Variants in STK40 observed in about 807,000 individuals in gnomAD.
STK40 encodes serine/threonine kinase 40.
A neutral mutation model predicts 47.9 loss-of-function variants in STK40; 13 were observed. That is an observed-to-expected ratio of 0.27 (90% CI 0.18 to 0.43). The LOEUF (loss-of-function observed/expected upper bound fraction) is 0.43, where lower values mean the gene tolerates loss of function less well. STK40 is among the 20% of genes least tolerant of loss of function. The probability of loss-of-function intolerance (pLI) is 1.00; values close to 1 mark genes in which losing one functional copy is unlikely to be tolerated. For synonymous variants in STK40, 225 were observed against 243.2 expected (o/e 0.93, Z 0.69); for missense variants, 460 against 595.1 (o/e 0.77, Z 2.36).
At chr1:36,371,503 G>A (rs1397792019) in intron 1 of STK40, among the ~76,000 whole-genome samples, 3 of 151,536 alleles carry the variant, frequency 2.0e-5, no homozygotes, top group African/African-American at 4.8e-5. Flanking sequence ...GCAGTGGGCC[G>A]AGATCAGATT....
At chr1:36,360,944 C>T (rs1014911615) in intron 2 of STK40, among the ~76,000 whole-genome samples, 2 of 152,162 alleles carry the variant, frequency 1.3e-5, no homozygotes, top group African/African-American at 2.4e-5. Context: ...GGGGGAGAGT[C>T]GGAGCCTAGC....
Position 36,340,043 on chromosome 1 carries a change from CAGG to C in STK40, c.*1709_*1711del, listed in dbSNP as rs1646631111. On this transcript the variant is annotated 3_prime_UTR_variant, in exon 11 of 11. Transcript: ENST00000373132. ...AGGCCGGACTGCATTTCCGCTCCCG[CAGG>C]AGACTTTCTATGAAATAAATATAGA... 1 of 152,424 alleles carries C rather than the reference CAGG, an allele frequency of 6.6e-6. No individual in the cohort carries two copies. The highest frequency in any genetic ancestry group is 6.5e-5 in the Admixed American group (1 of 15,292). 9.4% of individuals were successfully genotyped at this position (152,424 alleles called of 1,614,324 possible).
Position 36,358,311 on chromosome 1 carries a change from C to A in STK40, c.270G>T (p.Leu90=), listed in dbSNP as rs1646822654. The change falls in exon 4 of 11, where the codon CTG becomes CTT. Residue 90 remains leucine (L), a synonymous_variant. Coordinates refer to ENST00000373132, the MANE Select transcript of STK40 (RefSeq NM_001282547.2). The part of the protein sequence containing the change: ...SQEERQGKML[L]HTEYSLLSLL... ...GAGACAGCAGTGAGTACTCGGTGTG[C>A]AGCAGCATCTTGCCCTGCCGCTCTT... is the stretch of plus-strand genomic sequence containing the variant. The A allele has an allele frequency of 6.2e-7, 1 of 1,610,416 alleles. No homozygotes were observed.
In STK40 at chr1:36,343,080, G is replaced by A. The variant is rs578197362; in HGVS notation, c.1089+284C>T. ...CAGAGAAATGTGACTTGGGCAGCAG[G>A]AGGAAGCTGAGAGGGCTGGCCTGGG... On this transcript the variant is annotated intron_variant, in intron 10 of 10. Transcript: ENST00000373132. The A allele has an allele frequency of 8.5e-4, 520 of 608,740 alleles. 3 individuals are homozygous for A. The highest frequency in any genetic ancestry group is 8.3e-4 in the Non-Finnish European group (281 of 339,834). The allele number at this position is 608,740 out of a possible 1,614,324, so 37.7% of individuals were successfully genotyped here.
At chr1:36,381,364 C>T (rs1441772722) in intron 1 of STK40, among the ~76,000 whole-genome samples, 1 of 152,210 alleles carries the variant, frequency 6.6e-6, no homozygotes, top group Non-Finnish European at 1.5e-5. Flanking sequence ...GGCTAGAACT[C>T]CTGTGGTTCC....
intron 1 of STK40, among the ~76,000 whole-genome samples, chr1:36,376,227 C>A (rs1646991303): frequency 6.6e-6 from 1 of 152,128 alleles, no homozygotes; most frequent in African/African-American, 2.4e-5. Context: ...CACGGCAGAT[C>A]ACGAGGGCCA....
Position 36,340,819 on chromosome 1 carries a change from G to A in STK40, c.*936C>T, listed in dbSNP as rs1349286307. 6.6e-6 allele frequency: 1 copy of A among 152,342 alleles called. No individual in the cohort carries two copies. Among genetic ancestry groups the A allele is most frequent in the East Asian group, 1.9e-4 (1 of 5,186 alleles). The allele number at this position is 152,342 out of a possible 1,614,324, so 9.4% of individuals were successfully genotyped here. On this transcript the variant is annotated 3_prime_UTR_variant, in exon 11 of 11. Transcript: ENST00000373132. ...CTAAACACAAGAGTAGGCTAGGGGA[G>A]CGTGCAGGCAGCCCCCGCTCACGGC...
Position 36,355,246 on chromosome 1 carries a change from A to G in STK40, c.530T>C (p.Ile177Thr). The change falls in exon 5 of 11, where the codon ATC (isoleucine) becomes ACC (threonine). Residue 177 changes from isoleucine (I) to threonine (T), a missense_variant. By Grantham distance (89) the Ile-to-Thr change is moderately conservative (BLOSUM62 -1). Transcript: ENST00000373132. ...CACCACGCGGACCACGTCGTAGAAG[A>G]TTACCACAGTCTCCCTCTCGCTGAG... ...KRLSERETVV[I>T]FYDVVRVVEA... 5.0e-6 allele frequency: 8 copies of G among 1,614,056 alleles called. No individual in the cohort carries two copies. Among genetic ancestry groups the G allele is most frequent in the Non-Finnish European group, 6.8e-6 (8 of 1,180,014 alleles).
intron 2 of STK40, among the ~76,000 whole-genome samples, chr1:36,359,511 C>T (rs1359688182): frequency 2.0e-5 from 3 of 152,236 alleles, no homozygotes; most frequent in Admixed American, 6.5e-5. Flanking sequence ...GATTCTGATA[C>T]AGCCATCTGG....
At chr1:36,346,750 A>G (rs1646705868) in intron 7 of STK40, among the ~76,000 whole-genome samples, 1 of 152,220 alleles carries the variant, frequency 6.6e-6, no homozygotes, top group African/African-American at 2.4e-5. Flanking sequence ...GGCTGCTGGC[A>G]ACAGCAGGGA....
intron 5 of STK40, among the ~76,000 whole-genome samples, 167 bp from the exon 6 acceptor site, chr1:36,354,583 T>C (rs1646785999): frequency 6.6e-6 from 1 of 152,198 alleles, no homozygotes; most frequent in African/African-American, 2.4e-5. Context: ...TAAGTTCGCG[T>C]GACCTGCGCG....
intron 1 of STK40, among the ~76,000 whole-genome samples, chr1:36,379,542 G>A (rs760481095): frequency 2.6e-5 from 4 of 151,980 alleles, no homozygotes; most frequent in Non-Finnish European, 4.4e-5. Context: ...CACCACGTCC[G>A]GCTAATTTTT....
chr1:36,353,272 C>T (rs1363555075), intron 6 of STK40, among the ~76,000 whole-genome samples: 2 of 152,208 alleles, frequency 1.3e-5, no homozygotes, highest in African/African-American at 4.8e-5. Flanking sequence ...GAGATGTGCC[C>T]TTCTCAGCCC....
rs1310698254 is a variant in STK40 at position 36,340,136 on chromosome 1, G to A, written c.*1619C>T. On this transcript the variant is annotated 3_prime_UTR_variant, in exon 11 of 11. Transcript: ENST00000373132. ...CCCTCAGCGCTGGACAGCTGAGACA[G>A]ACGCAGGCTCGCTGCTCAGGGGGAG... The A allele has an allele frequency of 6.5e-6, 1 of 152,800 alleles. No individual in the cohort carries two copies. Among genetic ancestry groups the A allele is most frequent in the African/African-American group, 2.4e-5 (1 of 41,482 alleles). 9.5% of individuals were successfully genotyped at this position (152,800 alleles called of 1,614,324 possible).
chr1:36,361,618 A>C (rs1646853580), intron 1 of STK40, among the ~76,000 whole-genome samples: 2 of 152,170 alleles, frequency 1.3e-5, no homozygotes, highest in Admixed American at 1.3e-4. Context: ...TGGCCAGTTA[A>C]ATTCAGAGAG....
chr1:36,366,433 T>C (rs1646902524), intron 1 of STK40, among the ~76,000 whole-genome samples: 1 of 152,126 alleles, frequency 6.6e-6, no homozygotes, highest in Non-Finnish European at 1.5e-5. Context: ...CAGAGTTGAC[T>C]GAAGCAAAGG....
At chr1:36,380,103 T>C (rs376157238) in intron 1 of STK40, among the ~76,000 whole-genome samples, 156 of 152,296 alleles carry the variant, frequency 1.0e-3, no homozygotes, top group African/African-American at 3.5e-3. Context: ...CAGCAAGCAA[T>C]TGCATCCTTT....
intron 4 of STK40, among the ~76,000 whole-genome samples, chr1:36,356,418 C>CTTTTTTTTTTTTTTTTT (rs1002682531): frequency 3.3e-4 from 38 of 116,808 alleles, no homozygotes; most frequent in Non-Finnish European, 4.8e-4. Flanking sequence ...TCTTCTTTTT[C>CTTTTTTTTTTTTTTTTT]TTTTTTTTTT....
chr1:36,348,124 G>A (rs1557506793), intron 7 of STK40, among the ~76,000 whole-genome samples: 2 of 152,248 alleles, frequency 1.3e-5, no homozygotes. Flanking sequence ...ACACAGACAA[G>A]GAGAGAGGGC....
Sources: allele counts gnomAD v4.1 joint callset (sites outside exome capture counted in the v4.1 genomes callset), GRCh38; gene constraint gnomAD v4.1.1; transcripts MANE v1.5; gene names NCBI Gene and HGNC (gene_info 2026-07-23, HGNC 2026-07-21).